Variants in CAMTA1 observed in about 807,000 individuals in gnomAD.
CAMTA1 encodes calmodulin binding transcription activator 1, also known as calmodulin-binding transcription activator 1.
Under a neutral mutation model 170.9 loss-of-function variants are expected in CAMTA1, and 27 were observed. That is an observed-to-expected ratio of 0.16 (90% CI 0.12 to 0.22). The LOEUF (loss-of-function observed/expected upper bound fraction) is 0.22. Ranked by LOEUF, CAMTA1 falls within the 10% of genes least tolerant of loss-of-function variation. The probability of loss-of-function intolerance (pLI) is 1.00; values close to 1 mark genes in which losing one functional copy is unlikely to be tolerated. For missense variants in CAMTA1, 1,619 were observed against 2,217.2 expected (o/e 0.73, Z 5.42); for synonymous variants, 833 against 891.5 (o/e 0.93, Z 1.17).
At chr1:7,610,292 A>G (rs1184801504) in intron 6 of CAMTA1, among the ~76,000 whole-genome samples, 4 of 152,190 alleles carry the variant, frequency 2.6e-5, no homozygotes, top group African/African-American at 4.8e-5. Flanking sequence ...TGTGTCCCCA[A>G]ACCGGTGGCT....
intron 3 of CAMTA1, among the ~76,000 whole-genome samples, chr1:7,049,358 C>T (rs191603016): frequency 3.3e-5 from 5 of 152,322 alleles, no homozygotes; most frequent in South Asian, 2.1e-4. Context: ...CCCACCTTCA[C>T]GTACATCCTC....
intron 5 of CAMTA1, among the ~76,000 whole-genome samples, chr1:7,334,757 C>T (rs879586076): frequency 6.6e-5 from 10 of 152,174 alleles, no homozygotes; most frequent in Non-Finnish European, 8.8e-5. Flanking sequence ...CTGAGGCCTT[C>T]CGGTCGCCTT....
At position 6,899,376 on chromosome 1, in the gene CAMTA1, C is replaced by T. The variant is rs1324443261; in HGVS notation, c.234+74166C>T. 8.5e-5 allele frequency among the ~76,000 whole-genome samples: 13 copies of T among 152,328 alleles called. 1 individual carries two copies. In the South Asian group the frequency reaches 2.5e-3, roughly 29 times the overall value. On this transcript the variant is annotated intron_variant, in intron 3 of 22. Coordinates refer to ENST00000303635, the MANE Select transcript of CAMTA1 (RefSeq NM_015215.4). Reference sequence around the variant, plus strand: ...GGTTTGAAAGCTTGCCAAATATATGCCTTTGCACAACTCCCTGTAGGGCTG... The same window carrying T: ...GGTTTGAAAGCTTGCCAAATATATGTCTTTGCACAACTCCCTGTAGGGCTG...
intron 4 of CAMTA1, among the ~76,000 whole-genome samples, chr1:7,227,915 C>G (rs1662010051): frequency 6.8e-6 from 1 of 147,454 alleles, no homozygotes; most frequent in African/African-American, 2.7e-5. Context: ...AAAGAAGGGC[C>G]AAGGCGGGAG....
At chr1:7,717,683 G>A (rs1333066882) in intron 11 of CAMTA1, among the ~76,000 whole-genome samples, 1 of 151,878 alleles carries the variant, frequency 6.6e-6, no homozygotes, top group African/African-American at 2.4e-5. Flanking sequence ...AGTCATGTTT[G>A]CACCACTGCA....
intron 5 of CAMTA1, among the ~76,000 whole-genome samples, chr1:7,407,285 A>G (rs1280926835): frequency 6.6e-6 from 1 of 152,224 alleles, no homozygotes; most frequent in Admixed American, 6.5e-5. Context: ...CTGCAGGGGA[A>G]GATACAGAGG....
intron 4 of CAMTA1, among the ~76,000 whole-genome samples, chr1:7,103,000 C>G (rs1249475487): frequency 2.0e-5 from 3 of 152,006 alleles, no homozygotes; most frequent in Non-Finnish European, 4.4e-5. Flanking sequence ...CAAGACAGAT[C>G]ATTTATAAGA....
At chr1:7,582,214 GC>G (rs958802038) in intron 6 of CAMTA1, among the ~76,000 whole-genome samples, 1 of 152,162 alleles carries the variant, frequency 6.6e-6, no homozygotes, top group African/African-American at 2.4e-5. Flanking sequence ...ATAAATGATA[GC>G]CCACGTGGCG....
At chr1:7,376,830 G>GT (rs1424984356) in intron 5 of CAMTA1, among the ~76,000 whole-genome samples, 2 of 152,142 alleles carry the variant, frequency 1.3e-5, no homozygotes, top group African/African-American at 2.4e-5. Flanking sequence ...GTTAACATTT[G>GT]TCCCCAGCCC....
At chr1:7,319,747 A>G (rs865881735) in intron 5 of CAMTA1, among the ~76,000 whole-genome samples, 1 of 152,210 alleles carries the variant, frequency 6.6e-6, no homozygotes, top group Admixed American at 6.5e-5. Context: ...AGATTCAACA[A>G]TGAGCAAAAT....
chr1:7,321,333 C>T lies in CAMTA1; in HGVS notation c.438+71707C>T, dbSNP rs143032520. ...CTGATGGTTAAGCACTAGCCTTTAC[C>T]GTTTTGGGGTCCTATTGCACCATTG... On this transcript the variant is annotated intron_variant, in intron 5 of 22. Coordinates refer to ENST00000303635, the MANE Select transcript of CAMTA1 (RefSeq NM_015215.4). Among the ~76,000 whole-genome samples the T allele has an allele frequency of 3.9e-4, 59 of 152,274 alleles. No individual in the cohort carries two copies. In the East Asian group the frequency reaches 0.011, roughly 28 times the overall value.
intron 5 of CAMTA1, among the ~76,000 whole-genome samples, chr1:7,416,246 G>T (rs1281092911): frequency 6.6e-6 from 1 of 152,082 alleles, no homozygotes; most frequent in Non-Finnish European, 1.5e-5. Context: ...TCTTGGAGTT[G>T]CTCTTCTCGA....
intron 4 of CAMTA1, among the ~76,000 whole-genome samples, chr1:7,208,108 A>G (rs1048086398): frequency 1.3e-5 from 2 of 152,232 alleles, no homozygotes; most frequent in African/African-American, 4.8e-5. Context: ...ACTGGGGAGC[A>G]TTGCAGGTGT....
chr1:7,043,015 C>T (rs1704714212), intron 3 of CAMTA1, among the ~76,000 whole-genome samples: 2 of 152,190 alleles, frequency 1.3e-5, no homozygotes, highest in African/African-American at 2.4e-5. Flanking sequence ...TCTTCACTGG[C>T]CTGGGTGTGC....
chr1:7,434,024 C>T (rs1042069655), intron 5 of CAMTA1, among the ~76,000 whole-genome samples: 1 of 152,168 alleles, frequency 6.6e-6, no homozygotes, highest in Non-Finnish European at 1.5e-5. Context: ...CCTGCTTCGC[C>T]CTGTCCCCTG....
intron 4 of CAMTA1, among the ~76,000 whole-genome samples, chr1:7,111,668 G>A (rs534384285): frequency 3.9e-5 from 6 of 152,186 alleles, no homozygotes; most frequent in South Asian, 2.1e-4. Context: ...GGCAGATCAC[G>A]AGGTCAGGAG....
chr1:7,491,067 C>T (rs1460139677), intron 6 of CAMTA1, among the ~76,000 whole-genome samples: 1 of 152,166 alleles, frequency 6.6e-6, no homozygotes, highest in Admixed American at 6.5e-5. Flanking sequence ...AATGAAACTC[C>T]TTCTGTTCCC....
rs1572794971 is a variant in CAMTA1, at chr1:7,064,171, T to A, written c.235-27133T>A. On this transcript the variant is annotated intron_variant, in intron 3 of 22. Transcript: ENST00000303635. This position sits in a 1 kb window ranked among gnomAD's most constrained non-coding sequence, Gnocchi z 5.4. ...TCTTCTTCCCTCCTCCTCCTCTTCC[T>A]TCTTCTTCTCCTCCTCCTCCTCTTC... Among the ~76,000 whole-genome samples, 1 of 151,412 alleles carries A rather than the reference T, an allele frequency of 6.6e-6. No individual in the cohort carries two copies. Among genetic ancestry groups the A allele is most frequent in the East Asian group, 1.9e-4 (1 of 5,136 alleles).
intron 5 of CAMTA1, among the ~76,000 whole-genome samples, chr1:7,256,563 C>G (rs1444562595): frequency 6.6e-6 from 1 of 151,974 alleles, no homozygotes; most frequent in Non-Finnish European, 1.5e-5. Context: ...GTCTCAAAAA[C>G]AAAAACAAAA....
Sources: allele counts gnomAD v4.1 joint callset (sites outside exome capture counted in the v4.1 genomes callset), GRCh38; gene constraint gnomAD v4.1.1; non-coding constraint Gnocchi (gnomAD v3.1); transcripts MANE v1.5; gene names NCBI Gene and HGNC (gene_info 2026-07-23, HGNC 2026-07-21).